KLHL8: variants seen among roughly 807,000 people sequenced by gnomAD.
KLHL8 encodes the protein kelch-like protein 8.
A neutral mutation model predicts 63.5 loss-of-function variants in KLHL8; 38 were observed. The observed-to-expected ratio is 0.60, with a 90% CI of 0.46 to 0.78. The LOEUF is 0.78. KLHL8 is among the 30% of genes least tolerant of loss of function. The pLI is 0.00. For missense variants in KLHL8, 566 were observed against 752.4 expected, an observed-to-expected ratio of 0.75 and a Z score of 2.90; for synonymous variants, 224 against 254.3, an observed-to-expected ratio of 0.88 and a Z score of 1.13.
intron 1 of KLHL8, among the ~76,000 whole-genome samples, chr4:87,199,936 G>A (rs1578387961): frequency 6.6e-6 from 1 of 151,870 alleles, no homozygotes; most frequent in Admixed American, 6.6e-5. Flanking sequence ...TTGAGCCCCA[G>A]GAGTTCGAGA....
chr4:87,231,957 A>G (rs998740103), intron 1 of KLHL8, among the ~76,000 whole-genome samples: 24 of 152,200 alleles, frequency 1.6e-4, no homozygotes, highest in Non-Finnish European at 3.1e-4. Context: ...CTTTATTTCT[A>G]TAACCATGAA....
At position 87,201,045 on chromosome 4, in the gene KLHL8, G is replaced by A. The variant is rs187533540; in HGVS notation, c.-151-5355C>T. On this transcript the variant is annotated intron_variant, in intron 1 of 9. Transcript: ENST00000273963. ...AAGTGAAATAAGCCAGAAACAAAAA[G>A]ACAAGTTCCACTGATTCCACTTATA... Among the ~76,000 whole-genome samples, 56 of 152,254 alleles carry A rather than the reference G, an allele frequency of 3.7e-4. 1 individual carries two copies. The highest frequency in any genetic ancestry group is 8.5e-4 in the Admixed American group (13 of 15,284).
upstream of KLHL8, chr4:87,240,355 C>G (rs1282915401): frequency 1.3e-5 from 2 of 152,214 alleles, no homozygotes; most frequent in Non-Finnish European, 2.9e-5. Flanking sequence ...CACTGTCTTC[C>G]AAACACCACT....
At chr4:87,212,627 A>C (rs1732446132) in intron 1 of KLHL8, among the ~76,000 whole-genome samples, 1 of 152,332 alleles carries the variant, frequency 6.6e-6, no homozygotes, top group South Asian at 2.1e-4. Flanking sequence ...TACAGTCTTT[A>C]CAGTCATGTG....
In KLHL8 at chr4:87,164,091, A is replaced by G; in HGVS notation, c.1538-12T>C. The G allele has an allele frequency of 6.2e-7, 1 of 1,605,772 alleles. No individual in the cohort carries two copies. Among genetic ancestry groups the G allele is most frequent in the Non-Finnish European group, 8.5e-7 (1 of 1,172,488 alleles). ...ATCATCAAAACCACCTATGTAAAGA[A>G]ATATTTTAAAAACAGCATTACATTC... On this transcript the variant is annotated splice_polypyrimidine_tract_variant and intron_variant, in intron 8 of 9. Coordinates refer to ENST00000273963, the MANE Select transcript of KLHL8 (RefSeq NM_020803.5).
At chr4:87,218,720 T>A (rs1237008143) in intron 1 of KLHL8, among the ~76,000 whole-genome samples, 1 of 152,156 alleles carries the variant, frequency 6.6e-6, no homozygotes, top group African/African-American at 2.4e-5. Flanking sequence ...TGTAGTTGAA[T>A]AGAGTATCCT....
intron 1 of KLHL8, among the ~76,000 whole-genome samples, chr4:87,216,867 C>T (rs139761404): frequency 6.6e-6 from 1 of 152,146 alleles, no homozygotes; most frequent in Non-Finnish European, 1.5e-5. Context: ...TTGATTATAG[C>T]TTAGAGAATG....
At chr4:87,231,593 C>A (rs1336141116) in intron 1 of KLHL8, among the ~76,000 whole-genome samples, 2 of 151,976 alleles carry the variant, frequency 1.3e-5, no homozygotes, top group Non-Finnish European at 2.9e-5. Context: ...CTATGTCCCA[C>A]AAATACTTCT....
At chr4:87,202,848 T>A (rs1034884927) in intron 1 of KLHL8, among the ~76,000 whole-genome samples, 1 of 152,088 alleles carries the variant, frequency 6.6e-6, no homozygotes, top group Admixed American at 6.5e-5. Flanking sequence ...AAAACAAAGA[T>A]AGTACAGAAA....
intron 6 of KLHL8, among the ~76,000 whole-genome samples, chr4:87,173,464 T>G (rs1000171077): frequency 6.6e-6 from 1 of 152,176 alleles, no homozygotes; most frequent in Non-Finnish European, 1.5e-5. Flanking sequence ...GTCAGGATGA[T>G]GGGTTTCAAC....
intron 4 of KLHL8, among the ~76,000 whole-genome samples, chr4:87,180,966 G>A (rs1191903932): frequency 6.6e-6 from 1 of 152,052 alleles, no homozygotes. Context: ...AGCCCATGAG[G>A]TTCAAGGCAC....
chr4:87,183,442 T>A, intron 3 of KLHL8, 53 bp from the exon 4 acceptor site: 1 of 1,333,458 alleles, frequency 7.5e-7, no homozygotes, highest in South Asian at 1.6e-5. Context: ...CTTGGGAAAA[T>A]ATAAAGTCTA....
At chr4:87,189,576 A>C (rs942988793) in intron 2 of KLHL8, among the ~76,000 whole-genome samples, 1 of 152,054 alleles carries the variant, frequency 6.6e-6, no homozygotes, top group Non-Finnish European at 1.5e-5. Flanking sequence ...TCCTAACTCC[A>C]CTAGTTAGGA....
chr4:87,200,201 A>G (rs535196277), intron 1 of KLHL8, among the ~76,000 whole-genome samples: 41 of 151,762 alleles, frequency 2.7e-4, no homozygotes, highest in African/African-American at 9.9e-4. Context: ...ACATTTCTCC[A>G]AAGATGATAT....
chr4:87,170,635 T>A lies in KLHL8; in HGVS notation c.1209-20A>T, dbSNP rs757169631. 1 of 1,584,518 alleles carries A rather than the reference T, an allele frequency of 6.3e-7. No individual in the cohort carries two copies. The highest frequency in any genetic ancestry group is 2.2e-5 in the East Asian group (1 of 44,728). On this transcript the variant is annotated intron_variant, in intron 6 of 9. Transcript: ENST00000273963. The stretch of plus-strand genomic sequence containing the variant: ...CCTCGCCTGCAAAGACAATAAAACA[T>A]ACTTTAGCAAATGAGTTTGTTTCCA...
chr4:87,231,544 G>A (rs991273400), intron 1 of KLHL8, among the ~76,000 whole-genome samples: 7 of 152,044 alleles, frequency 4.6e-5, no homozygotes, highest in African/African-American at 1.7e-4. Flanking sequence ...CCCACCTGTG[G>A]CAGGCATGTA....
upstream of KLHL8, among the ~76,000 whole-genome samples, chr4:87,223,901 C>A (rs1461415135): frequency 6.6e-6 from 1 of 152,216 alleles, no homozygotes; most frequent in Non-Finnish European, 1.5e-5. Context: ...TGAGAATAAG[C>A]AAGACTAGCC....
chr4:87,172,205 TGG>T (rs755155868), intron 6 of KLHL8, among the ~76,000 whole-genome samples: 1 of 151,940 alleles, frequency 6.6e-6, no homozygotes. Flanking sequence ...TGTTTGAAGG[TGG>T]GGGGGAACAT....
At chr4:87,236,989 C>T (rs922446741) in intron 1 of KLHL8, among the ~76,000 whole-genome samples, 7 of 152,118 alleles carry the variant, frequency 4.6e-5, no homozygotes, top group African/African-American at 1.7e-4. Context: ...ATGAAGATGA[C>T]AATAACAATC....
Sources: allele counts gnomAD v4.1 joint callset (sites outside exome capture counted in the v4.1 genomes callset), GRCh38; gene constraint gnomAD v4.1.1; transcripts MANE v1.5; gene names NCBI Gene and HGNC (gene_info 2026-07-23, HGNC 2026-07-21).